Variants in DRD2 observed in about 807,000 individuals in gnomAD.
DRD2 encodes the protein D(2) dopamine receptor.
Under a neutral mutation model 38.0 loss-of-function variants are expected in DRD2, and 8 were observed. That is an observed-to-expected ratio of 0.21 (90% CI 0.12 to 0.38). The LOEUF (loss-of-function observed/expected upper bound fraction) is 0.38, where lower values mean the gene tolerates loss of function less well. Among genes scored for constraint, DRD2 ranks in the 10% least tolerant of loss-of-function variants. The probability of loss-of-function intolerance (pLI) is 1.00; values close to 1 mark genes in which losing one functional copy is unlikely to be tolerated. For missense variants in DRD2, 403 were observed against 607.7 expected, an observed-to-expected ratio of 0.66 and a Z score of 3.54; for synonymous variants, 230 against 238.6, an observed-to-expected ratio of 0.96 and a Z score of 0.33.
At chr11:113,415,296 G>T in intron 5 of DRD2, 125 bp downstream of exon 5, 1 of 1,262,932 alleles carries the variant, frequency 7.9e-7, no homozygotes, top group Non-Finnish European at 1.1e-6. Context: ...CGGCTCCTGG[G>T]AATTCCTTTA....
intron 1 of DRD2, among the ~76,000 whole-genome samples, chr11:113,434,518 G>A (rs1204352520): frequency 6.6e-6 from 1 of 152,208 alleles, no homozygotes; most frequent in Non-Finnish European, 1.5e-5. Flanking sequence ...TCGGGTCCTT[G>A]CAGGGTGTTT....
At chr11:113,433,914 T>C (rs1951013139) in intron 1 of DRD2, among the ~76,000 whole-genome samples, 1 of 152,318 alleles carries the variant, frequency 6.6e-6, no homozygotes, top group African/African-American at 2.4e-5. Flanking sequence ...ACTTTCTCAA[T>C]TTCCTGTCAC....
At chr11:113,434,089 GA>G (rs1295400256) in intron 1 of DRD2, among the ~76,000 whole-genome samples, 3 of 152,060 alleles carry the variant, frequency 2.0e-5, no homozygotes, top group African/African-American at 7.2e-5. Context: ...CTTCTCCAAG[GA>G]AGCCTTCCTG....
chr11:113,461,335 C>G (rs1207074921), intron 1 of DRD2, among the ~76,000 whole-genome samples: 1 of 152,222 alleles, frequency 6.6e-6, no homozygotes, highest in African/African-American at 2.4e-5. Flanking sequence ...TGATCTTCTT[C>G]TCTATGGAGA....
At chr11:113,447,216 T>C (rs746784519) in intron 1 of DRD2, among the ~76,000 whole-genome samples, 2 of 152,210 alleles carry the variant, frequency 1.3e-5, no homozygotes, top group Non-Finnish European at 2.9e-5. Context: ...GGCCACACTC[T>C]GTTCTGTTGT....
At chr11:113,450,146 T>C (rs1951197269) in intron 1 of DRD2, 1 of 154,278 alleles carries the variant, frequency 6.5e-6, no homozygotes, top group Middle Eastern at 6.9e-4. Context: ...GGAAACAATA[T>C]TTCAAAAGAA....
In DRD2 at chr11:113,415,472, G is replaced by T. The variant is rs1272299816; in HGVS notation, c.672C>A (p.Asn224Lys). 1 of 1,614,068 alleles carries T rather than the reference G, an allele frequency of 6.2e-7. No individual in the cohort carries two copies. Among genetic ancestry groups the T allele is most frequent in the East Asian group, 2.2e-5 (1 of 44,892 alleles). The change falls in exon 5 of 8, where the codon AAC becomes AAA. Residue 224 changes from asparagine to lysine, a missense_variant. Physicochemically the swap from Asn to Lys is moderately conservative, Grantham distance 94. This residue lies in a region of DRD2 where 166 missense variants were observed against 178.6 expected (regional missense o/e 0.93). Transcript: ENST00000362072. ...IVLRRRRKRV[N>K]TKRSSRAFRA... Reference sequence around the variant, plus strand: ...TGAAAGCTCGGCTGCTGCGTTTGGTGTTGACTCGCTTGCGGCGTCTGCGGA... The same window carrying T: ...TGAAAGCTCGGCTGCTGCGTTTGGTTTTGACTCGCTTGCGGCGTCTGCGGA...
At chr11:113,413,889 C>T (rs769183695) in intron 6 of DRD2, 7 of 250,224 alleles carry the variant, frequency 2.8e-5, no homozygotes, top group Non-Finnish European at 5.5e-5. Flanking sequence ...ACCTGCCCAT[C>T]CATAAGGCAG....
intron 7 of DRD2, chr11:113,412,122 C>T (rs1214008547): frequency 4.3e-6 from 1 of 230,214 alleles, no homozygotes; most frequent in African/African-American, 2.2e-5. Context: ...GTGACACTTA[C>T]ATATGGATAG....
chr11:113,453,976 A>C (rs1951241751), intron 1 of DRD2, among the ~76,000 whole-genome samples: 2 of 152,168 alleles, frequency 1.3e-5, no homozygotes, highest in Non-Finnish European at 2.9e-5. Flanking sequence ...GAAGGAAACT[A>C]GTATTAACAG....
chr11:113,431,909 C>A (rs769359154), intron 1 of DRD2, among the ~76,000 whole-genome samples: 13 of 152,232 alleles, frequency 8.5e-5, no homozygotes, highest in Non-Finnish European at 1.6e-4. Context: ...CCCAGGCTGC[C>A]CCAGGCAGGC....
At position 113,410,933 on chromosome 11, in the gene DRD2, G is replaced by T. The variant is rs912174577; in HGVS notation, c.1139-13C>A. The T allele has an allele frequency of 9.4e-6, 15 of 1,603,690 alleles. No homozygotes were observed. In the East Asian group the frequency reaches 3.1e-4, roughly 33 times the overall value. Reference sequence around the variant, plus strand: ...ATGATGAACACGCCTGGGGGAGAGGGCATGGTCAGGCTGGTCCCCAGAGCC... The same window carrying T: ...ATGATGAACACGCCTGGGGGAGAGGTCATGGTCAGGCTGGTCCCCAGAGCC... On this transcript the variant is annotated splice_polypyrimidine_tract_variant and intron_variant, in intron 7 of 7. Transcript: ENST00000362072.
intron 1 of DRD2, among the ~76,000 whole-genome samples, chr11:113,469,450 A>G (rs1034346560): frequency 7.2e-5 from 11 of 152,074 alleles, no homozygotes; most frequent in African/African-American, 2.7e-4. Flanking sequence ...TCTTTATGCC[A>G]CTTACGTATC....
At chr11:113,433,046 A>C (rs1372266281) in intron 1 of DRD2, among the ~76,000 whole-genome samples, 1 of 152,176 alleles carries the variant, frequency 6.6e-6, no homozygotes, top group Non-Finnish European at 1.5e-5. Flanking sequence ...ATGGACAGGC[A>C]CAGTCACTGT....
chr11:113,465,418 G>T (rs200626323), intron 1 of DRD2, among the ~76,000 whole-genome samples: 1 of 78,226 alleles, frequency 1.3e-5, no homozygotes, highest in East Asian at 5.1e-4. Context: ...GTTGTTGTTT[G>T]TTTGTTTGTT....
intron 1 of DRD2, among the ~76,000 whole-genome samples, chr11:113,430,258 AAGATAC>A (rs1950974053): frequency 6.6e-6 from 1 of 152,234 alleles, no homozygotes; most frequent in Non-Finnish European, 1.5e-5. Flanking sequence ...GCTGGCCTGG[AAGATAC>A]AGCTCTCCCA....
At chr11:113,425,729 A>C (rs1022059527) in intron 1 of DRD2, among the ~76,000 whole-genome samples, 2 of 152,076 alleles carry the variant, frequency 1.3e-5, no homozygotes, top group African/African-American at 2.4e-5. Flanking sequence ...ATCCCACAGA[A>C]GGGAAAGACT....
chr11:113,435,368 C>T (rs1051826702), intron 1 of DRD2, among the ~76,000 whole-genome samples: 1 of 150,716 alleles, frequency 6.6e-6, no homozygotes, highest in African/African-American at 2.4e-5. Context: ...TGATGCTGAG[C>T]GGGGTGGTGG....
intron 6 of DRD2, 72 bp from the exon 7 acceptor site, chr11:113,412,955 C>T: frequency 6.7e-7 from 1 of 1,487,142 alleles, no homozygotes; most frequent in South Asian, 1.2e-5. Flanking sequence ...TCTCACTGGC[C>T]CCTCCCTTTC....
Sources: gnomAD v4.1 joint callset for allele counts (sites outside exome capture counted in the v4.1 genomes callset) on GRCh38, gnomAD v4.1.1 for gene constraint, gnomAD v4.1.1 regional missense constraint, MANE v1.5 for transcripts, NCBI Gene and HGNC (gene_info 2026-07-23, HGNC 2026-07-21) for gene names.